Variants in SNX7 observed in about 807,000 individuals in gnomAD.
The protein encoded by SNX7 is sorting nexin 7.
SNX7 carries 35 observed loss-of-function variants against 48.4 expected under a neutral mutation model. The ratio of observed to expected loss-of-function variants is 0.72; its 90% CI spans 0.55 to 0.96. SNX7 has a LOEUF of 0.96. Among genes scored for constraint, SNX7 ranks in the 40% least tolerant of loss-of-function variants. The pLI is 0.00. For synonymous variants in SNX7, 190 were observed against 190.2 expected, an observed-to-expected ratio of 1.00 and a Z score of 0.01; for missense variants, 553 against 548.9, an observed-to-expected ratio of 1.01 and a Z score of -0.07.
In SNX7 at chr1:98,708,143, T is replaced by C. The variant is rs535811887; in HGVS notation, c.1125+6240T>C. Among the ~76,000 whole-genome samples, 3 of 152,318 alleles carry C rather than the reference T, an allele frequency of 2.0e-5. No homozygotes were observed. In the East Asian group the frequency reaches 5.8e-4, roughly 29 times the overall value. Reference sequence around the variant, plus strand: ...CCTTTCTATATGCCTCATTTCCTAATATAATCTGTTTTCTACTCTGCTTCT... The same window carrying C: ...CCTTTCTATATGCCTCATTTCCTAACATAATCTGTTTTCTACTCTGCTTCT... On this transcript the variant is annotated intron_variant, in intron 7 of 8. Transcript: ENST00000306121.
upstream of SNX7, chr1:98,661,677 C>T (rs1016020709): frequency 2.5e-6 from 3 of 1,190,212 alleles, no homozygotes; most frequent in African/African-American, 4.8e-5. Flanking sequence ...TGGGCACGCT[C>T]GGGGGAGCCG....
At chr1:98,752,130 A>T (rs1654615959) in intron 8 of SNX7, among the ~76,000 whole-genome samples, 1 of 152,068 alleles carries the variant, frequency 6.6e-6, no homozygotes, top group Non-Finnish European at 1.5e-5. Flanking sequence ...AGGTTTTGAG[A>T]TTTTTTTGGT....
intron 8 of SNX7, among the ~76,000 whole-genome samples, chr1:98,748,598 A>G (rs996423531): frequency 6.6e-6 from 1 of 151,518 alleles, no homozygotes; most frequent in Non-Finnish European, 1.5e-5. Context: ...CTATGGGCCA[A>G]TATAATAGTT....
At chr1:98,706,959 A>G (rs1273733082) in intron 7 of SNX7, among the ~76,000 whole-genome samples, 1 of 152,170 alleles carries the variant, frequency 6.6e-6, no homozygotes, top group Non-Finnish European at 1.5e-5. Flanking sequence ...CAATGGAGCT[A>G]TTGAGTAGGG....
At chr1:98,687,784 G>C (rs1421501574) in intron 2 of SNX7, among the ~76,000 whole-genome samples, 2 of 152,164 alleles carry the variant, frequency 1.3e-5, no homozygotes, top group East Asian at 3.9e-4. Context: ...CATGGCTGGA[G>C]TAGGGGGCTC....
chr1:98,685,850 C>G (rs1650766196), intron 2 of SNX7, among the ~76,000 whole-genome samples: 1 of 152,064 alleles, frequency 6.6e-6, no homozygotes, highest in African/African-American at 2.4e-5. Context: ...ATATATATAT[C>G]TTATTTCTTC....
intron 7 of SNX7, among the ~76,000 whole-genome samples, chr1:98,723,045 G>T (rs972985113): frequency 6.6e-6 from 1 of 152,046 alleles, no homozygotes; most frequent in South Asian, 2.1e-4. Context: ...ATAGACCCCA[G>T]GCCCCTCATG....
chr1:98,677,373 C>T (rs552715592), intron 1 of SNX7: 1 of 152,244 alleles, frequency 6.6e-6, no homozygotes, highest in African/African-American at 2.4e-5. Context: ...AGGCATCCTG[C>T]ATGGTTGGGG....
At chr1:98,727,985 T>C (rs1653279061) in intron 7 of SNX7, among the ~76,000 whole-genome samples, 1 of 152,084 alleles carries the variant, frequency 6.6e-6, no homozygotes, top group Non-Finnish European at 1.5e-5. Context: ...CCAGGAGAAC[T>C]TCTCTAACCT....
chr1:98,703,982 AAAG>A (rs1207861805), intron 7 of SNX7, among the ~76,000 whole-genome samples: 1 of 152,106 alleles, frequency 6.6e-6, no homozygotes, highest in African/African-American at 2.4e-5. Context: ...TTTAAAATGA[AAAG>A]AAGATTAATC....
chr1:98,704,027 A>G (rs1284460718), intron 7 of SNX7, among the ~76,000 whole-genome samples: 2 of 152,168 alleles, frequency 1.3e-5, no homozygotes, highest in Non-Finnish European at 2.9e-5. Flanking sequence ...GCACAAGGAA[A>G]AAAATAGCCT....
chr1:98,694,155 G>T (rs1227681589), intron 4 of SNX7, among the ~76,000 whole-genome samples: 1 of 151,998 alleles, frequency 6.6e-6, no homozygotes, highest in Non-Finnish European at 1.5e-5. Flanking sequence ...CGGATCACAA[G>T]GTCAGGAGAT....
intron 1 of SNX7, chr1:98,662,753 A>G (rs1570472462): frequency 7.8e-7 from 1 of 1,289,382 alleles, no homozygotes; most frequent in East Asian, 5.6e-5. Flanking sequence ...ACCTGAGTTC[A>G]GATCACAACG....
At chr1:98,743,882 T>C (rs1468277729) in intron 8 of SNX7, among the ~76,000 whole-genome samples, 1 of 152,074 alleles carries the variant, frequency 6.6e-6, no homozygotes, top group African/African-American at 2.4e-5. Flanking sequence ...TTTCCAAGTA[T>C]TCTGACCTTA....
chr1:98,716,516 A>G (rs1652599325), intron 7 of SNX7, among the ~76,000 whole-genome samples: 1 of 152,154 alleles, frequency 6.6e-6, no homozygotes. Context: ...AATGCTCATT[A>G]TGTTTCCTGC....
intron 1 of SNX7, among the ~76,000 whole-genome samples, chr1:98,679,319 A>G (rs1650348302): frequency 6.6e-6 from 1 of 151,950 alleles, no homozygotes. Flanking sequence ...ACCTTCCACC[A>G]GGTTCATCCC....
chr1:98,724,434 T>C (rs1653060998), intron 7 of SNX7, among the ~76,000 whole-genome samples: 1 of 151,900 alleles, frequency 6.6e-6, no homozygotes, highest in Non-Finnish European at 1.5e-5. Flanking sequence ...CTAGATTAAT[T>C]TGTATGAGAA....
At chr1:98,728,992 A>G (rs760129042) in intron 7 of SNX7, among the ~76,000 whole-genome samples, 1 of 152,208 alleles carries the variant, frequency 6.6e-6, no homozygotes, top group African/African-American at 2.4e-5. Context: ...CAGAATATGC[A>G]TTCTTCCCAG....
rs752313770 is a variant in SNX7 at position 98,738,409 on chromosome 1, A to G, written c.1278+20A>G. The G allele has an allele frequency of 2.5e-6, 4 of 1,608,152 alleles. No homozygotes were observed. The highest frequency in any genetic ancestry group is 2.6e-6 in the Non-Finnish European group (3 of 1,176,074). On this transcript the variant is annotated intron_variant, in intron 8 of 8. Coordinates refer to ENST00000306121, the MANE Select transcript of SNX7 (RefSeq NM_015976.5). ...GAACAGGTAATTAGTGTTGTTTGAT[A>G]TTGCTTCATTTTAAAGTTATATGCT...
Sources: allele counts gnomAD v4.1 joint callset (sites outside exome capture counted in the v4.1 genomes callset), GRCh38; gene constraint gnomAD v4.1.1; transcripts MANE v1.5; gene names NCBI Gene and HGNC (gene_info 2026-07-23, HGNC 2026-07-21).